The following BBS9 variants were observed in gnomAD, a reference collection of about 807,000 sequenced individuals.
BBS9 encodes Bardet-Biedl syndrome 9, also known as protein PTHB1.
Under a neutral mutation model 117.7 loss-of-function variants are expected in BBS9, and 89 were observed. That is an observed-to-expected ratio of 0.76 (90% CI 0.64 to 0.90). The LOEUF is 0.90. Among genes scored for constraint, BBS9 ranks in the 40% least tolerant of loss-of-function variants. The pLI, the probability that BBS9 is intolerant of heterozygous loss-of-function variation, is 0.00. For synonymous variants in BBS9, 379 were observed against 370.9 expected, an observed-to-expected ratio of 1.02 and a Z score of -0.25; for missense variants, 982 against 1,042.2, an observed-to-expected ratio of 0.94 and a Z score of 0.80.
chr7:33,598,187 C>G (rs1210877922), intron 21 of BBS9, among the ~76,000 whole-genome samples: 1 of 151,392 alleles, frequency 6.6e-6, no homozygotes, highest in Non-Finnish European at 1.5e-5. Flanking sequence ...AAGAGAAACT[C>G]CTGGAAACAA....
chr7:33,596,005 A>T (rs979614355), intron 21 of BBS9, among the ~76,000 whole-genome samples: 8 of 151,934 alleles, frequency 5.3e-5, no homozygotes, highest in African/African-American at 1.7e-4. Context: ...GGAACAACAC[A>T]CACTGGGGCC....
intron 1 of BBS9, among the ~76,000 whole-genome samples, chr7:33,140,141 C>A (rs575278792): frequency 1.3e-5 from 2 of 152,236 alleles, no homozygotes; most frequent in African/African-American, 4.8e-5. Flanking sequence ...TCTCCTGCCT[C>A]AGCCTCCCGA....
intron 6 of BBS9, among the ~76,000 whole-genome samples, chr7:33,261,451 G>A (rs369631861): frequency 3.9e-5 from 6 of 152,232 alleles, no homozygotes; most frequent in African/African-American, 4.8e-5. Context: ...CAATGAAAAG[G>A]ATTCTCCCCG....
chr7:33,200,085 A>G (rs146223452), intron 5 of BBS9, among the ~76,000 whole-genome samples: 16 of 151,998 alleles, frequency 1.1e-4, no homozygotes, highest in African/African-American at 3.9e-4. Context: ...GATTTATCCT[A>G]TTTAGATTTT....
chr7:33,215,326 C>T lies in BBS9; in HGVS notation c.442+37735C>T, dbSNP rs925165131. Among the ~76,000 whole-genome samples the T allele has an allele frequency of 3.9e-5, 6 of 152,234 alleles. No homozygotes were observed. The East Asian group carries it at 7.7e-4, about 20-fold the overall frequency. On this transcript the variant is annotated intron_variant, in intron 5 of 22. Coordinates refer to ENST00000242067, the MANE Select transcript of BBS9 (RefSeq NM_198428.3). ...AGACCAGTGGAACAGAGTATAGAAA[C>T]CCAGATATAAATCTGTATGTTTACT...
intron 19 of BBS9, among the ~76,000 whole-genome samples, chr7:33,394,576 T>G (rs930195411): frequency 5.3e-5 from 8 of 152,164 alleles, no homozygotes; most frequent in African/African-American, 1.2e-4. Context: ...AATAAAATTT[T>G]GGGAAAAATA....
rs535896835 is a variant in BBS9 at position 33,190,925 on chromosome 7, G to A, written c.442+13334G>A. Among the ~76,000 whole-genome samples the A allele has an allele frequency of 2.0e-5, 3 of 152,290 alleles. No individual in the cohort carries two copies. In the East Asian group the frequency reaches 5.8e-4, roughly 29 times the overall value. ...TGTGGTGAATCTGAGGACTTTGGAGGTGATCAAGAAAAAAGACATGGCTAT... is the reference window on the plus strand; with the variant it reads ...TGTGGTGAATCTGAGGACTTTGGAGATGATCAAGAAAAAAGACATGGCTAT... On this transcript the variant is annotated intron_variant, in intron 5 of 22. Transcript: ENST00000242067.
At chr7:33,341,022 T>C (rs940697750) in intron 11 of BBS9, 49 bp downstream of exon 11, 1 of 1,521,148 alleles carries the variant, frequency 6.6e-7, no homozygotes, top group Non-Finnish European at 9.1e-7. Context: ...TGGTAAACTC[T>C]GATGAATTAG....
chr7:33,263,093 C>A (rs531482209), intron 6 of BBS9, among the ~76,000 whole-genome samples: 2 of 59,442 alleles, frequency 3.4e-5, no homozygotes, highest in Non-Finnish European at 7.0e-5. Context: ...ATATATATTA[C>A]GTTTTCATAT....
intron 9 of BBS9, among the ~76,000 whole-genome samples, chr7:33,298,473 CA>C (rs1263372362): frequency 6.6e-6 from 1 of 152,032 alleles, no homozygotes; most frequent in Non-Finnish European, 1.5e-5. Context: ...GCACATTTAC[CA>C]ATATGCCCAC....
intron 5 of BBS9, among the ~76,000 whole-genome samples, chr7:33,222,567 C>T (rs780241295): frequency 4.3e-4 from 65 of 152,062 alleles, no homozygotes; most frequent in Admixed American, 1.2e-3. Context: ...AGGTCTCCCC[C>T]GGTTTCTTCT....
intron 5 of BBS9, among the ~76,000 whole-genome samples, chr7:33,186,649 A>T (rs1337784840): frequency 6.6e-6 from 1 of 152,206 alleles, no homozygotes; most frequent in Non-Finnish European, 1.5e-5. Flanking sequence ...AAAATTTAAA[A>T]TTCCTCCAAA....
chr7:33,300,394 A>T (rs1806141610), intron 9 of BBS9, among the ~76,000 whole-genome samples: 1 of 152,226 alleles, frequency 6.6e-6, no homozygotes, highest in Non-Finnish European at 1.5e-5. Context: ...CAGTTCACAG[A>T]TGCTGTACTG....
chr7:33,481,404 T>G lies in BBS9; in HGVS notation c.2116-24059T>G, dbSNP rs141928077. Among the ~76,000 whole-genome samples, 632 of 152,260 alleles carry G rather than the reference T, an allele frequency of 4.2e-3. 8 individuals carry two copies. The highest frequency in any genetic ancestry group is 5.1e-3 in the Non-Finnish European group (348 of 68,012). ...TAAGACCTATAACTTTGACATGTAT[T>G]TCTCTATAAAATAAGGGTAGGAAAA... On this transcript the variant is annotated intron_variant, in intron 19 of 22. Coordinates refer to ENST00000242067, the MANE Select transcript of BBS9 (RefSeq NM_198428.3).
intron 4 of BBS9, among the ~76,000 whole-genome samples, chr7:33,162,137 G>A (rs893875410): frequency 6.6e-6 from 1 of 152,098 alleles, no homozygotes; most frequent in African/African-American, 2.4e-5. Context: ...CCTGTGTCCT[G>A]AATGATATTG....
At chr7:33,227,626 CT>C (rs1791544237) in intron 5 of BBS9, among the ~76,000 whole-genome samples, 1 of 151,984 alleles carries the variant, frequency 6.6e-6, no homozygotes, top group African/African-American at 2.4e-5. Context: ...AACCTTCCCC[CT>C]ACCCCCAAAG....
chr7:33,336,728 T>A, intron 10 of BBS9, 106 bp downstream of exon 10: 1 of 806,706 alleles, frequency 1.2e-6, no homozygotes, highest in Non-Finnish European at 2.0e-6. Context: ...CCTCTAGGCT[T>A]AATTAAAATC....
intron 7 of BBS9, among the ~76,000 whole-genome samples, chr7:33,271,148 G>C (rs1799721591): frequency 6.6e-6 from 1 of 152,166 alleles, no homozygotes; most frequent in Non-Finnish European, 1.5e-5. Context: ...GATCTTTTCA[G>C]ACAAGCAAAT....
At chr7:33,622,087 G>A (rs1865436948) in intron 21 of BBS9, among the ~76,000 whole-genome samples, 1 of 152,148 alleles carries the variant, frequency 6.6e-6, no homozygotes. Flanking sequence ...GCACGCACCT[G>A]TAATTGCAGC....
Sources: allele counts gnomAD v4.1 joint callset (sites outside exome capture counted in the v4.1 genomes callset), GRCh38; gene constraint gnomAD v4.1.1; transcripts MANE v1.5; gene names NCBI Gene and HGNC (gene_info 2026-07-23, HGNC 2026-07-21).